PLA2G7: variants seen among roughly 807,000 people sequenced by gnomAD.
The protein encoded by PLA2G7 is phospholipase A2 group VII, also known as platelet-activating factor acetylhydrolase.
In PLA2G7, 63 loss-of-function variants were observed where a neutral mutation model predicts 49.6. That is an observed-to-expected ratio of 1.27 (90% CI 1.04 to 1.57). The LOEUF is 1.57. Ranked by LOEUF, PLA2G7 falls within the 40% of genes most tolerant of loss-of-function variation. The pLI, the probability that PLA2G7 is intolerant of heterozygous loss-of-function variation, is 0.00. For missense variants in PLA2G7, 596 were observed against 521.2 expected (o/e 1.14, Z -1.40); for synonymous variants, 193 against 169.9 (o/e 1.14, Z -1.06).
In PLA2G7 at chr6:46,704,497, C is replaced by A; in HGVS notation, c.*63G>T. 2 of 914,204 alleles carry A rather than the reference C, an allele frequency of 2.2e-6. No individual in the cohort carries two copies. Among genetic ancestry groups the A allele is most frequent in the Non-Finnish European group, 1.8e-6 (1 of 554,916 alleles). The allele number at this position is 914,204 out of a possible 1,614,324, so 56.6% of individuals were successfully genotyped here. ...TCTCTCTCACACACACACACACACA[C>A]ACACACACACACATAATTTTAGACA... is the stretch of plus-strand genomic sequence containing the variant. On this transcript the variant is annotated 3_prime_UTR_variant, in exon 12 of 12. Coordinates refer to ENST00000274793, the MANE Select transcript of PLA2G7 (RefSeq NM_005084.4).
In PLA2G7 at chr6:46,704,658, C is replaced by G. The variant is rs1582558759; in HGVS notation, c.1228G>C (p.Glu410Gln). The change falls in exon 12 of 12, where the codon GAA becomes CAA. Residue 410 changes from glutamate to glutamine, a missense_variant. Transcript: ENST00000274793. ...GGAATAAGATTCTCATCATCTCCTT[C>G]AATCAAGCAGTCCCACTGATCAAAA... ...KDFDQWDCLI[E>Q]GDDENLIPGT... 6.3e-7 allele frequency: 1 copy of G among 1,577,530 alleles called. No individual in the cohort carries two copies. Among genetic ancestry groups the G allele is most frequent in the East Asian group, 2.2e-5 (1 of 44,626 alleles).
intron 10 of PLA2G7, among the ~76,000 whole-genome samples, chr6:46,707,657 G>A (rs888097294): frequency 1.3e-5 from 2 of 152,166 alleles, no homozygotes; most frequent in Non-Finnish European, 2.9e-5. Flanking sequence ...CCCAGAAGCC[G>A]AGCAGATGCC....
rs1212036806 is a variant in PLA2G7, at chr6:46,711,609, C to T, written c.550G>A (p.Ala184Thr). ...TCCTTGAAATAGTAAGTTGCAGATG[C>T]AGATCTATCTCTATAATACAAGCAA... ...VAAVEHRDRS[A>T]SATYYFKDQS... The change falls in exon 7 of 12, where the codon GCA becomes ACA. Residue 184 changes from alanine (A) to threonine (T), a missense_variant. Transcript: ENST00000274793. 1.9e-6 allele frequency: 3 copies of T among 1,613,412 alleles called. No homozygotes were observed. The highest frequency in any genetic ancestry group is 2.5e-6 in the Non-Finnish European group (3 of 1,179,510).
At chr6:46,735,024 G>A (rs1479696270) in intron 1 of PLA2G7, among the ~76,000 whole-genome samples, 156 bp downstream of exon 1, 4 of 152,054 alleles carry the variant, frequency 2.6e-5, no homozygotes, top group Non-Finnish European at 5.9e-5. Flanking sequence ...CGCTGTTTCC[G>A]AGGGCTGCAG....
rs1300393451 is a variant in PLA2G7, at chr6:46,721,236, C to T, written c.109+1547G>A. Among the ~76,000 whole-genome samples, 7 of 151,742 alleles carry T rather than the reference C, an allele frequency of 4.6e-5. No individual in the cohort carries two copies. The East Asian group carries it at 5.8e-4, about 13-fold the overall frequency. The stretch of plus-strand genomic sequence containing the variant: ...TATGTATTTTTTTTTTTAATATAGA[C>T]GGGGTTTCACCATGTTGGCCAGGCT... On this transcript the variant is annotated intron_variant, in intron 2 of 11. Transcript: ENST00000274793.
intron 3 of PLA2G7, 45 bp from the exon 4 acceptor site, chr6:46,716,573 A>C: frequency 1.3e-6 from 2 of 1,594,930 alleles, no homozygotes; most frequent in Non-Finnish European, 8.6e-7. Flanking sequence ...GTTGTGTCTC[A>C]AACATATTCC....
chr6:46,716,839 T>G, intron 3 of PLA2G7, 136 bp downstream of exon 3: 4 of 888,768 alleles, frequency 4.5e-6, no homozygotes, highest in Non-Finnish European at 7.4e-6. Flanking sequence ...AGTAAAAGCC[T>G]TCATATGAAA....
Position 46,724,120 on chromosome 6 carries a change from T to G in PLA2G7, c.-34-1195A>C, listed in dbSNP as rs79113687. On this transcript the variant is annotated intron_variant, in intron 1 of 11. Coordinates refer to ENST00000274793, the MANE Select transcript of PLA2G7 (RefSeq NM_005084.4). ...CAGTGATACTTTCTCAGTGACACTT[T>G]CCCGGTTCAATCTATTTAAAATTGC... is the stretch of plus-strand genomic sequence containing the variant. Among the ~76,000 whole-genome samples, 199 of 152,330 alleles carry G rather than the reference T, an allele frequency of 1.3e-3. 3 individuals are homozygous for G. The East Asian group carries it at 0.037, about 29-fold the overall frequency.
Position 46,705,212 on chromosome 6 carries a change from G to T in PLA2G7, c.1130C>A (p.Ser377Ter), listed in dbSNP as rs1358431251. Residue 377 changes from serine to a stop codon, truncating the protein, a stop_gained, in exon 11 of 12, where the codon TCA (serine) becomes TAA (stop). Coordinates refer to ENST00000274793, the MANE Select transcript of PLA2G7 (RefSeq NM_005084.4). LOFTEE classifies it high-confidence loss of function. The part of the protein sequence containing the change: ...HMLKLKGDID[S>*]NVAIDLSNKA... Reference sequence around the variant, plus strand: ...GTTGCTAAGATCAATAGCTACATTTGAATCTATGTCTCCCTTTAATTTGAG... The same window carrying T: ...GTTGCTAAGATCAATAGCTACATTTTAATCTATGTCTCCCTTTAATTTGAG... The T allele has an allele frequency of 6.2e-7, 1 of 1,607,078 alleles. No homozygotes were observed. Among genetic ancestry groups the T allele is most frequent in the Non-Finnish European group, 8.5e-7 (1 of 1,173,884 alleles).
In PLA2G7 at chr6:46,712,249, A is replaced by G. The variant is rs1765053496; in HGVS notation, c.539+20T>C. 1 of 1,557,740 alleles carries G rather than the reference A, an allele frequency of 6.4e-7. No individual in the cohort carries two copies. ...TTCCCTGTAGTTGGCCAAAGAGCCC[A>G]ATTATATCAGGTAACATACCTGTGT... On this transcript the variant is annotated intron_variant, in intron 6 of 11. Coordinates refer to ENST00000274793, the MANE Select transcript of PLA2G7 (RefSeq NM_005084.4).
chr6:46,734,415 T>TGTGAGA (rs1765832579), intron 1 of PLA2G7, among the ~76,000 whole-genome samples: 1 of 54,304 alleles, frequency 1.8e-5, no homozygotes, highest in Non-Finnish European at 4.0e-5. Context: ...TGTGTGTGTG[T>TGTGAGA]GAGAGAGAGA....
chr6:46,719,232 A>G (rs1205829768), intron 2 of PLA2G7, among the ~76,000 whole-genome samples: 1 of 152,214 alleles, frequency 6.6e-6, no homozygotes, highest in Non-Finnish European at 1.5e-5. Flanking sequence ...CATCAATACC[A>G]TGGAACATTG....
In PLA2G7 at chr6:46,704,466, TCTCTCTCTCTCTCACACACACA is replaced by T; in HGVS notation, c.*72_*93del. ...TTCTCTCTCTCTCTCTCTCTCTCTC[TCTCTCTCTCTCTCACACACACA>T]CACACACACACACACACACACATAA... On this transcript the variant is annotated 3_prime_UTR_variant, in exon 12 of 12. Transcript: ENST00000274793. 2.0e-5 allele frequency: 10 copies of T among 507,192 alleles called. No individual in the cohort carries two copies. Among genetic ancestry groups the T allele is most frequent in the Admixed American group, 2.8e-5 (1 of 35,478 alleles). The allele number at this position is 507,192 out of a possible 1,614,324, so 31.4% of individuals were successfully genotyped here.
chr6:46,717,703 TTTTTTCTTTTTC>T (rs1452108189), intron 2 of PLA2G7, among the ~76,000 whole-genome samples: 1 of 89,674 alleles, frequency 1.1e-5, no homozygotes, highest in African/African-American at 5.1e-5. Context: ...ATTTTCTTTC[TTTTTTCTTTTTC>T]TTTTTTTTTT....
intron 1 of PLA2G7, among the ~76,000 whole-genome samples, chr6:46,729,999 T>C (rs1158312885): frequency 6.6e-6 from 1 of 152,220 alleles, no homozygotes; most frequent in Non-Finnish European, 1.5e-5. Context: ...ACATCTTCAG[T>C]TGCATGACAA....
In PLA2G7 at chr6:46,717,093, C is replaced by A; in HGVS notation, c.113G>T (p.Trp38Leu). The A allele has an allele frequency of 6.2e-7, 1 of 1,613,328 alleles. No homozygotes were observed. Residue 38 changes from tryptophan to leucine, a missense_variant, in exon 3 of 12, where the codon TGG (tryptophan) becomes TTG (leucine). Physicochemically the swap from Trp to Leu is moderately conservative, Grantham distance 61. Coordinates refer to ENST00000274793, the MANE Select transcript of PLA2G7 (RefSeq NM_005084.4). ...NPVAHMKSSA[W>L]VNKIQVLMAA... is the part of the protein sequence containing the mutation. ...CATCAGTACTTGTATTTTGTTGACC[C>A]ATGCTGAAAAACAGGTAAATATTAT...
chr6:46,733,411 C>T (rs1314493520), intron 1 of PLA2G7, among the ~76,000 whole-genome samples: 2 of 150,902 alleles, frequency 1.3e-5, no homozygotes, highest in African/African-American at 4.9e-5. Flanking sequence ...ACCAGATTCA[C>T]AACACTCCTA....
intron 2 of PLA2G7, among the ~76,000 whole-genome samples, chr6:46,720,594 C>T (rs1179900142): frequency 6.6e-6 from 1 of 152,178 alleles, no homozygotes; most frequent in Non-Finnish European, 1.5e-5. Flanking sequence ...ATTTCCCATT[C>T]TCTAACCATC....
intron 8 of PLA2G7, 99 bp downstream of exon 8, chr6:46,710,446 C>T (rs1321614422): frequency 2.5e-6 from 2 of 786,892 alleles, no homozygotes; most frequent in African/African-American, 3.4e-5. Context: ...CTGGTTGCAG[C>T]CCTTTATCAT....
Sources: gnomAD v4.1 joint callset for allele counts (sites outside exome capture counted in the v4.1 genomes callset) on GRCh38, gnomAD v4.1.1 for gene constraint, MANE v1.5 for transcripts, NCBI Gene and HGNC (gene_info 2026-07-23, HGNC 2026-07-21) for gene names.